The following DDR2 variants were observed in gnomAD, a reference collection of about 807,000 sequenced individuals.
The protein encoded by DDR2 is discoidin domain receptor tyrosine kinase 2.
A neutral mutation model predicts 94.9 loss-of-function variants in DDR2; 27 were observed. The observed-to-expected ratio is 0.28, with a 90% CI of 0.21 to 0.39. The LOEUF is 0.39. Among genes scored for constraint, DDR2 ranks in the 10% least tolerant of loss-of-function variants. The probability of loss-of-function intolerance (pLI) is 1.00; values close to 1 mark genes in which losing one functional copy is unlikely to be tolerated. For synonymous variants in DDR2, 382 were observed against 377.2 expected, an observed-to-expected ratio of 1.01 and a Z score of -0.15; for missense variants, 783 against 1,076.0, an observed-to-expected ratio of 0.73 and a Z score of 3.81.
At chr1:162,705,584 T>C (rs1040489824) in intron 2 of DDR2, among the ~76,000 whole-genome samples, 1 of 152,170 alleles carries the variant, frequency 6.6e-6, no homozygotes, top group Non-Finnish European at 1.5e-5. Flanking sequence ...CCACGGCTGG[T>C]AGATTTACAG....
chr1:162,670,353 G>T (rs549846948), intron 2 of DDR2, among the ~76,000 whole-genome samples: 92 of 152,276 alleles, frequency 6.0e-4, no homozygotes, highest in Middle Eastern at 6.8e-3. Flanking sequence ...TGATCTGCCT[G>T]CCTTGGCCTC....
At chr1:162,721,561 A>G (rs1001169793) in intron 3 of DDR2, among the ~76,000 whole-genome samples, 4 of 152,230 alleles carry the variant, frequency 2.6e-5, no homozygotes, top group African/African-American at 7.2e-5. Flanking sequence ...AGAATGTTAT[A>G]GCTTGCACAC....
intron 2 of DDR2, among the ~76,000 whole-genome samples, chr1:162,675,335 G>A (rs1659076878): frequency 6.6e-6 from 1 of 152,176 alleles, no homozygotes; most frequent in Non-Finnish European, 1.5e-5. Flanking sequence ...TCTGGCGGTG[G>A]CACAGCAGCA....
At chr1:162,705,664 A>G (rs1369256752) in intron 2 of DDR2, among the ~76,000 whole-genome samples, 1 of 152,112 alleles carries the variant, frequency 6.6e-6, no homozygotes, top group African/African-American at 2.4e-5. Flanking sequence ...TGGAATGAAG[A>G]GGGAGCTGAG....
chr1:162,757,467 C>T (rs1258409619), intron 7 of DDR2, among the ~76,000 whole-genome samples: 1 of 152,006 alleles, frequency 6.6e-6, no homozygotes, highest in African/African-American at 2.4e-5. Flanking sequence ...TTTATTTAAC[C>T]ACGGGCCATA....
intron 3 of DDR2, among the ~76,000 whole-genome samples, chr1:162,736,433 C>G (rs976648913): frequency 4.6e-5 from 7 of 152,218 alleles, no homozygotes; most frequent in Admixed American, 2.6e-4. Flanking sequence ...AGTGGAATTA[C>G]AGGCTTTAGA....
At chr1:162,634,563 TGTGAAACTCTGAAATGG>T (rs1327569993) in intron 1 of DDR2, among the ~76,000 whole-genome samples, 1 of 152,188 alleles carries the variant, frequency 6.6e-6, no homozygotes, top group Non-Finnish European at 1.5e-5. Context: ...TTTGGATGTG[TGTGAAACTCTGAAATGG>T]GTGGCCTCAG....
rs761726921 is a variant in DDR2 at position 162,656,833 on chromosome 1, G to GTTTTTTTTTTTTTTTTTTT, written c.-28+1475_-28+1476insTTTTTTTTTTTTTTTTTTT. On this transcript the variant is annotated intron_variant, in intron 2 of 17. Transcript: ENST00000367921. ...GGTCTTTTCTTCCCCTGCCACTGGA[G>GTTTTTTTTTTTTTTTTTTT]TTTTTTTTTTTTTTTTATTTTTTTT... 1.8e-3 allele frequency among the ~76,000 whole-genome samples: 116 copies of GTTTTTTTTTTTTTTTTTTT among 65,696 alleles called. 44 individuals carry two copies. The highest frequency in any genetic ancestry group is 2.9e-3 in the Non-Finnish European group (98 of 33,378). 43.1% of individuals were successfully genotyped at this position (65,696 alleles called of 152,430 possible).
chr1:162,689,842 TAAAAAAAAA>T (rs1158650637), intron 2 of DDR2, among the ~76,000 whole-genome samples: 2 of 10,924 alleles, frequency 1.8e-4, no homozygotes, highest in East Asian at 3.2e-3. Context: ...CATCTCTACT[TAAAAAAAAA>T]AAAAAAAAAA....
At chr1:162,777,117 T>C (rs1266082869) in intron 16 of DDR2, among the ~76,000 whole-genome samples, 1 of 152,198 alleles carries the variant, frequency 6.6e-6, no homozygotes, top group East Asian at 1.9e-4. Context: ...CTTATAGGAT[T>C]TGTAAATTAA....
chr1:162,709,228 T>C (rs1042890429), intron 2 of DDR2, among the ~76,000 whole-genome samples: 14 of 152,104 alleles, frequency 9.2e-5, no homozygotes, highest in African/African-American at 3.1e-4. Context: ...GGCAGAACAT[T>C]GAGTGCAGGG....
chr1:162,657,574 G>A (rs998365582), intron 2 of DDR2, among the ~76,000 whole-genome samples: 13 of 152,150 alleles, frequency 8.5e-5, no homozygotes, highest in Non-Finnish European at 1.9e-4. Flanking sequence ...GGTAACAACA[G>A]CCTTTGGAGA....
At chr1:162,727,685 C>T (rs967927851) in intron 3 of DDR2, among the ~76,000 whole-genome samples, 2 of 148,120 alleles carry the variant, frequency 1.4e-5, no homozygotes, top group African/African-American at 4.9e-5. Context: ...CATGACGACA[C>T]AACAGATTAT....
intron 2 of DDR2, among the ~76,000 whole-genome samples, chr1:162,658,622 T>G (rs1571157118): frequency 7.3e-6 from 1 of 136,914 alleles, no homozygotes. Flanking sequence ...TGAGCCAGGT[T>G]GGAGAGCAGC....
At chr1:162,777,379 C>A (rs145548028) in intron 16 of DDR2, among the ~76,000 whole-genome samples, 1 of 151,948 alleles carries the variant, frequency 6.6e-6, no homozygotes, top group South Asian at 2.1e-4. Flanking sequence ...GCATAATATT[C>A]CATGTGTAGA....
At chr1:162,658,829 A>AAAAT (rs1658153139) in intron 2 of DDR2, among the ~76,000 whole-genome samples, 1 of 133,622 alleles carries the variant, frequency 7.5e-6, no homozygotes, top group African/African-American at 2.7e-5. Flanking sequence ...CCTGTCTCAA[A>AAAAT]AAATAAATAA....
chr1:162,675,738 T>C (rs1659094047), intron 2 of DDR2, among the ~76,000 whole-genome samples: 1 of 152,206 alleles, frequency 6.6e-6, no homozygotes, highest in Non-Finnish European at 1.5e-5. Context: ...TGAAGTTTTA[T>C]TTAAGCAGAA....
In DDR2 at chr1:162,758,384, C is replaced by T. The variant is rs192335618; in HGVS notation, c.672-1412C>T. On this transcript the variant is annotated intron_variant, in intron 7 of 17. Coordinates refer to ENST00000367921, the MANE Select transcript of DDR2 (RefSeq NM_006182.4). ...ATATGCTTACTGGTGATTTTAATAA[C>T]TCTAAAGTATATAAATATTGAACAT... is the stretch of plus-strand genomic sequence containing the variant. Among the ~76,000 whole-genome samples, 5 of 152,250 alleles carry T rather than the reference C, an allele frequency of 3.3e-5. No individual in the cohort carries two copies. The East Asian group carries it at 9.7e-4, about 29-fold the overall frequency.
chr1:162,690,683 T>A (rs1336376565), intron 2 of DDR2, among the ~76,000 whole-genome samples: 1 of 151,846 alleles, frequency 6.6e-6, no homozygotes, highest in Non-Finnish European at 1.5e-5. Context: ...CCTTCCCTAA[T>A]GTTATTTGAA....
Sources: allele counts gnomAD v4.1 joint callset (sites outside exome capture counted in the v4.1 genomes callset), GRCh38; gene constraint gnomAD v4.1.1; transcripts MANE v1.5; gene names NCBI Gene and HGNC (gene_info 2026-07-23, HGNC 2026-07-21).